Variants in GPHN observed in about 807,000 individuals in gnomAD.
GPHN encodes the protein gephyrin.
Under a neutral mutation model 95.5 loss-of-function variants are expected in GPHN, and 17 were observed. The ratio of observed to expected loss-of-function variants is 0.18; its 90% CI spans 0.12 to 0.27. GPHN has a LOEUF of 0.27. Among genes scored for constraint, GPHN ranks in the 10% least tolerant of loss-of-function variants. The pLI, the probability that GPHN is intolerant of heterozygous loss-of-function variation, is 1.00. For missense variants in GPHN, 660 were observed against 978.1 expected (o/e 0.67, Z 4.34); for synonymous variants, 320 against 322.5 (o/e 0.99, Z 0.08).
chr14:66,979,750 C>T (rs1231376272), intron 9 of GPHN, among the ~76,000 whole-genome samples: 2 of 152,188 alleles, frequency 1.3e-5, no homozygotes, highest in Non-Finnish European at 2.9e-5. Flanking sequence ...ACACAAGTAG[C>T]CTAGCTTTCT....
At chr14:67,603,024 C>T in the GPHN span, among the ~76,000 whole-genome samples, 3 of 151,860 alleles carry the variant, frequency 2.0e-5, no homozygotes, top group Non-Finnish European at 4.4e-5. Context: ...ACAAAAGGTA[C>T]CTGTACAGGC....
chr14:67,339,139 G>A, the GPHN span, among the ~76,000 whole-genome samples: 1 of 151,756 alleles, frequency 6.6e-6, no homozygotes, highest in East Asian at 1.9e-4. Context: ...GGGAATACAG[G>A]CGCATGCTGC....
the GPHN span, among the ~76,000 whole-genome samples, chr14:67,250,579 C>T: frequency 6.6e-6 from 1 of 152,154 alleles, no homozygotes; most frequent in South Asian, 2.1e-4. Flanking sequence ...CATCTGGGCC[C>T]TTCCTCTGAA....
At chr14:66,952,294 C>T (rs531229157) in intron 8 of GPHN, among the ~76,000 whole-genome samples, 1 of 152,276 alleles carries the variant, frequency 6.6e-6, no homozygotes, top group South Asian at 2.1e-4. Flanking sequence ...CAATATGTAA[C>T]TCTTTATGTC....
intron 1 of GPHN, among the ~76,000 whole-genome samples, chr14:66,527,605 G>T (rs1004320357): frequency 6.6e-6 from 1 of 152,070 alleles, no homozygotes; most frequent in South Asian, 2.1e-4. Flanking sequence ...TGGGCCTTTG[G>T]TGCTATAAAT....
the GPHN span, among the ~76,000 whole-genome samples, chr14:67,374,871 T>C: frequency 6.6e-6 from 1 of 152,196 alleles, no homozygotes; most frequent in African/African-American, 2.4e-5. Context: ...TCCAAAGTGC[T>C]GGGATTACAG....
intron 9 of GPHN, among the ~76,000 whole-genome samples, chr14:66,971,628 CT>C (rs2069790822): frequency 6.6e-6 from 1 of 151,956 alleles, no homozygotes; most frequent in Non-Finnish European, 1.5e-5. Flanking sequence ...TGTGGATGTT[CT>C]TTGATACCAT....
At chr14:67,620,886 AC>A in the GPHN span, 3 of 1,613,962 alleles carry the variant, frequency 1.9e-6, no homozygotes, top group Non-Finnish European at 2.5e-6. Flanking sequence ...AATTTGTGTG[AC>A]TGACAGAAAA....
the GPHN span, among the ~76,000 whole-genome samples, chr14:67,719,571 C>T: frequency 1.3e-5 from 2 of 152,038 alleles, no homozygotes; most frequent in Non-Finnish European, 2.9e-5. Flanking sequence ...ACCTCCTGGG[C>T]TCAAGTGATC....
chr14:66,909,069 G>A (rs2065536242), intron 5 of GPHN, among the ~76,000 whole-genome samples: 1 of 152,024 alleles, frequency 6.6e-6, no homozygotes, highest in African/African-American at 2.4e-5. Context: ...TGTCAATATT[G>A]GCTCATTAAT....
intron 4 of GPHN, among the ~76,000 whole-genome samples, chr14:66,856,084 C>T (rs1446820380): frequency 6.6e-6 from 1 of 152,004 alleles, no homozygotes; most frequent in African/African-American, 2.4e-5. Flanking sequence ...CTTCATCAAA[C>T]AGTACTTTTT....
chr14:66,546,917 G>A (rs1241796477), intron 1 of GPHN, among the ~76,000 whole-genome samples: 1 of 152,180 alleles, frequency 6.6e-6, no homozygotes, highest in Non-Finnish European at 1.5e-5. Flanking sequence ...ACTTGTATGG[G>A]CCTCAAACAA....
chr14:66,776,492 A>G lies in GPHN; in HGVS notation c.172A>G (p.Ile58Val). The G allele has an allele frequency of 6.3e-7, 1 of 1,579,296 alleles. No individual in the cohort carries two copies. Among genetic ancestry groups the G allele is most frequent in the South Asian group, 1.1e-5 (1 of 90,186 alleles). Reference sequence around the variant, plus strand: ...GGGTGGGACTATATCAGCATACAAGATAGTACCAGATGAAATAGAAGAAAT... The same window carrying G: ...GGGTGGGACTATATCAGCATACAAGGTAGTACCAGATGAAATAGAAGAAAT... ...LLGGTISAYK[I>V]VPDEIEEIKE... The change falls in exon 3 of 23, where the codon ATA (isoleucine) becomes GTA (valine). Residue 58 changes from isoleucine (I) to valine (V), a missense_variant. Around this residue, in one of 6 missense-constraint regions of GPHN, gnomAD observed 92 missense variants for 91.9 expected, o/e 1.00. Transcript: ENST00000478722.
chr14:67,592,665 A>G, the GPHN span: 37 of 1,608,858 alleles, frequency 2.3e-5, no homozygotes, highest in South Asian at 4.0e-4. Flanking sequence ...GGGATATCCC[A>G]TGTGGTTCCA....
intron 1 of GPHN, among the ~76,000 whole-genome samples, chr14:66,597,014 G>C (rs1356905692): frequency 6.6e-6 from 1 of 152,190 alleles, no homozygotes; most frequent in Non-Finnish European, 1.5e-5. Flanking sequence ...TTAGGATAGG[G>C]ACAATGACTG....
intron 10 of GPHN, among the ~76,000 whole-genome samples, chr14:67,024,676 A>G (rs190773371): frequency 2.0e-5 from 3 of 152,278 alleles, no homozygotes; most frequent in East Asian, 3.9e-4. Context: ...GTGGAGCCAT[A>G]TGGACATTGC....
intron 4 of GPHN, among the ~76,000 whole-genome samples, chr14:66,875,303 A>G (rs776839792): frequency 6.7e-6 from 1 of 148,600 alleles, no homozygotes; most frequent in African/African-American, 2.4e-5. Context: ...CTGCAAAAAC[A>G]TAGCTAATTG....
intron 1 of GPHN, among the ~76,000 whole-genome samples, chr14:66,587,626 T>C (rs1368531123): frequency 2.0e-5 from 3 of 152,140 alleles, no homozygotes; most frequent in Non-Finnish European, 2.9e-5. Flanking sequence ...GACAAAAATA[T>C]GGCTATCTGA....
chr14:67,729,497 G>A, the GPHN span: 1 of 1,009,234 alleles, frequency 9.9e-7, no homozygotes, highest in South Asian at 1.3e-5. Context: ...CCAGGTTTGG[G>A]TTGGGCCTGC....
Sources: allele counts gnomAD v4.1 joint callset (sites outside exome capture counted in the v4.1 genomes callset), GRCh38; gene constraint gnomAD v4.1.1; regional missense constraint gnomAD v4.1.1; transcripts MANE v1.5; gene names NCBI Gene and HGNC (gene_info 2026-07-23, HGNC 2026-07-21).